Variants in GPC5 observed in about 807,000 individuals in gnomAD.
The protein encoded by GPC5 is glypican 5, also known as glypican-5.
A neutral mutation model predicts 53.9 loss-of-function variants in GPC5; 47 were observed. That is an observed-to-expected ratio of 0.87 (90% CI 0.69 to 1.11). The LOEUF (loss-of-function observed/expected upper bound fraction) is 1.11, where lower values mean the gene tolerates loss of function less well. Ranked by LOEUF, GPC5 falls within the 50% of genes most tolerant of loss-of-function variation. GPC5 has a pLI of 0.00. For missense variants in GPC5, 748 were observed against 713.1 expected (o/e 1.05, Z -0.56); for synonymous variants, 286 against 263.3 (o/e 1.09, Z -0.84).
chr13:92,423,482 A>G (rs781656788), intron 7 of GPC5, among the ~76,000 whole-genome samples: 26 of 152,152 alleles, frequency 1.7e-4, no homozygotes, highest in Non-Finnish European at 3.4e-4. Flanking sequence ...TGTGTAGTGT[A>G]TTAATTTGTT....
At chr13:91,610,204 C>T (rs1161141065) in intron 2 of GPC5, among the ~76,000 whole-genome samples, 1 of 152,210 alleles carries the variant, frequency 6.6e-6, no homozygotes, top group Non-Finnish European at 1.5e-5. Context: ...AAAATGTTTA[C>T]ATGCTTAATT....
intron 7 of GPC5, among the ~76,000 whole-genome samples, chr13:92,214,084 C>G (rs2042393595): frequency 6.6e-6 from 1 of 152,118 alleles, no homozygotes; most frequent in Non-Finnish European, 1.5e-5. Flanking sequence ...AGGAGTGTAA[C>G]TGTTTTATGG....
intron 7 of GPC5, among the ~76,000 whole-genome samples, chr13:92,771,786 T>C (rs1594495923): frequency 6.6e-6 from 1 of 152,308 alleles, no homozygotes; most frequent in East Asian, 1.9e-4. Context: ...AAACACCATC[T>C]GTATTTCTTA....
chr13:91,403,624 TG>T (rs1226772260), intron 1 of GPC5, among the ~76,000 whole-genome samples: 1 of 152,242 alleles, frequency 6.6e-6, no homozygotes, highest in Non-Finnish European at 1.5e-5. Flanking sequence ...TTTCTAATTC[TG>T]TGCATGTTAT....
At chr13:92,245,944 G>A (rs1408856477) in intron 7 of GPC5, among the ~76,000 whole-genome samples, 1 of 151,654 alleles carries the variant, frequency 6.6e-6, no homozygotes, top group East Asian at 1.9e-4. Context: ...TATGAATAGG[G>A]TGGGCCCTAT....
intron 7 of GPC5, among the ~76,000 whole-genome samples, chr13:92,717,999 GAT>G (rs1328451929): frequency 6.6e-6 from 1 of 151,522 alleles, no homozygotes; most frequent in Non-Finnish European, 1.5e-5. Flanking sequence ...ACTACAATGA[GAT>G]ATCATCTCAC....
chr13:91,907,503 T>TATATATATA (rs2039566577), intron 5 of GPC5, among the ~76,000 whole-genome samples: 14 of 129,540 alleles, frequency 1.1e-4, no homozygotes, highest in African/African-American at 3.8e-4. Context: ...CTCTCTCTCT[T>TATATATATA]TATATATATA....
At chr13:91,864,432 A>G (rs569893621) in intron 5 of GPC5, among the ~76,000 whole-genome samples, 26 of 152,290 alleles carry the variant, frequency 1.7e-4, no homozygotes, top group Non-Finnish European at 3.7e-4. Context: ...TTTTTAAACG[A>G]TGGAATCTAT....
At chr13:92,647,009 A>G (rs1328493078) in intron 7 of GPC5, among the ~76,000 whole-genome samples, 1 of 150,582 alleles carries the variant, frequency 6.6e-6, no homozygotes, top group Non-Finnish European at 1.5e-5. Flanking sequence ...TTTCACGTTT[A>G]AATCAGTTTA....
intron 1 of GPC5, among the ~76,000 whole-genome samples, chr13:91,415,746 T>TGG (rs201618062): frequency 2.6e-3 from 23 of 8,986 alleles, no homozygotes; most frequent in African/African-American, 5.7e-3. Context: ...TTTGCGGGGG[T>TGG]GGGGGGGGTG....
intron 7 of GPC5, among the ~76,000 whole-genome samples, chr13:92,841,107 C>T (rs935527449): frequency 2.0e-5 from 3 of 152,070 alleles, no homozygotes; most frequent in Admixed American, 6.6e-5. Context: ...TTTACTCTGG[C>T]CCAATTCTCT....
chr13:92,462,546 G>A (rs1441096458), intron 7 of GPC5, among the ~76,000 whole-genome samples: 1 of 152,018 alleles, frequency 6.6e-6, no homozygotes. Context: ...ATTTGAGGAG[G>A]TTATTGAAAA....
chr13:91,530,622 T>G lies in GPC5; in HGVS notation c.325+81700T>G, dbSNP rs9301736. ...AGCCAGCACGCTCTTTTTATATCTT[T>G]TCAACCTATTTAATAATAGCATGCA... is the stretch of plus-strand genomic sequence containing the variant. On this transcript the variant is annotated intron_variant, in intron 2 of 7. Coordinates refer to ENST00000377067, the MANE Select transcript of GPC5 (RefSeq NM_004466.6). 7.4e-3 allele frequency among the ~76,000 whole-genome samples: 1,121 copies of G among 152,324 alleles called. 15 individuals are homozygous for G. Among genetic ancestry groups the G allele is most frequent in the African/African-American group, 0.026 (1,089 of 41,578 alleles).
intron 2 of GPC5, among the ~76,000 whole-genome samples, chr13:91,657,714 C>T (rs2034882085): frequency 6.6e-6 from 1 of 152,042 alleles, no homozygotes; most frequent in Non-Finnish European, 1.5e-5. Context: ...AAAAATCCTG[C>T]CTAAGTTATA....
At chr13:92,041,242 C>T (rs2040939401) in intron 6 of GPC5, among the ~76,000 whole-genome samples, 1 of 152,170 alleles carries the variant, frequency 6.6e-6, no homozygotes, top group Non-Finnish European at 1.5e-5. Context: ...TTTCAAGAAC[C>T]TGTCAACAAT....
At chr13:92,464,374 T>C (rs1318119385) in intron 7 of GPC5, among the ~76,000 whole-genome samples, 2 of 152,184 alleles carry the variant, frequency 1.3e-5, no homozygotes, top group Admixed American at 6.5e-5. Flanking sequence ...AAATTATAGA[T>C]AGGTTTTGCA....
At chr13:92,717,950 TAAGA>T (rs1397988673) in intron 7 of GPC5, among the ~76,000 whole-genome samples, 2 of 152,070 alleles carry the variant, frequency 1.3e-5, no homozygotes, top group Non-Finnish European at 2.9e-5. Flanking sequence ...GCAAAAGGTC[TAAGA>T]AAGACATACC....
chr13:92,698,915 C>T (rs1393778878), intron 7 of GPC5, among the ~76,000 whole-genome samples: 2 of 152,104 alleles, frequency 1.3e-5, no homozygotes, highest in Non-Finnish European at 2.9e-5. Context: ...TATTGTGTCT[C>T]TGCCAGGTTT....
intron 6 of GPC5, among the ~76,000 whole-genome samples, chr13:91,966,117 A>T (rs2040178408): frequency 1.3e-5 from 2 of 152,200 alleles, no homozygotes; most frequent in Non-Finnish European, 2.9e-5. Context: ...GACACGTGAA[A>T]GCCAGTGGTG....
Sources: allele counts gnomAD v4.1 joint callset (sites outside exome capture counted in the v4.1 genomes callset), GRCh38; gene constraint gnomAD v4.1.1; transcripts MANE v1.5; gene names NCBI Gene and HGNC (gene_info 2026-07-23, HGNC 2026-07-21).